CDC42BPA: variants seen among roughly 807,000 people sequenced by gnomAD.
The protein encoded by CDC42BPA is CDC42 binding protein kinase alpha, also known as serine/threonine-protein kinase MRCK alpha.
In CDC42BPA, 80 loss-of-function variants were observed where a neutral mutation model predicts 223.5. The observed-to-expected ratio is 0.36, with a 90% CI of 0.30 to 0.43. The LOEUF (loss-of-function observed/expected upper bound fraction) is 0.43, where lower values mean the gene tolerates loss of function less well. Among genes scored for constraint, CDC42BPA ranks in the 20% least tolerant of loss-of-function variants. The pLI is 1.00. For synonymous variants in CDC42BPA, 694 were observed against 718.6 expected (o/e 0.97, Z 0.55); for missense variants, 1,743 against 2,099.9 (o/e 0.83, Z 3.32).
chr1:227,179,170 G>C (rs1667472495), intron 5 of CDC42BPA, among the ~76,000 whole-genome samples: 1 of 152,156 alleles, frequency 6.6e-6, no homozygotes, highest in African/African-American at 2.4e-5. Context: ...CTTAAGGCTG[G>C]GGAAATAGGG....
intron 22 of CDC42BPA, among the ~76,000 whole-genome samples, chr1:227,051,164 T>C (rs757595254): frequency 6.6e-6 from 1 of 152,182 alleles, no homozygotes; most frequent in Admixed American, 6.5e-5. Context: ...TCTGCTTCTA[T>C]TGGAATGCTA....
chr1:227,094,610 C>T (rs942168278), intron 15 of CDC42BPA, among the ~76,000 whole-genome samples: 4 of 152,164 alleles, frequency 2.6e-5, no homozygotes, highest in African/African-American at 9.7e-5. Flanking sequence ...TATCCTGTGC[C>T]TCAGCTTCTT....
At chr1:227,282,325 G>A (rs1034286974) in intron 1 of CDC42BPA, among the ~76,000 whole-genome samples, 1 of 152,086 alleles carries the variant, frequency 6.6e-6, no homozygotes, top group African/African-American at 2.4e-5. Context: ...ATTCAGTCCT[G>A]TTAAAATGTG....
intron 26 of CDC42BPA, 138 bp from the exon 27 acceptor site, chr1:227,033,553 C>T (rs1385826573): frequency 1.6e-6 from 1 of 606,114 alleles, no homozygotes; most frequent in Non-Finnish European, 3.0e-6. Flanking sequence ...AATTAATTTT[C>T]CCCCATTGTA....
At chr1:227,070,268 C>T (rs905981420) in intron 20 of CDC42BPA, among the ~76,000 whole-genome samples, 2 of 151,702 alleles carry the variant, frequency 1.3e-5, no homozygotes, top group Admixed American at 6.6e-5. Context: ...TAAGAATAAT[C>T]CTTTATAAGA....
Position 227,047,986 on chromosome 1 carries a change from C to T in CDC42BPA, c.3034G>A (p.Val1012Ile), listed in dbSNP as rs1408870341. The T allele has an allele frequency of 1.2e-6, 2 of 1,610,892 alleles. No homozygotes were observed. The highest frequency in any genetic ancestry group is 3.3e-5 in the Admixed American group (2 of 59,852). ...TTTTTCCTTAAGGTTGGTGTGTGAA[C>T]TGAAAGTGGAGTGGAGTCTACAGTC... is the stretch of plus-strand genomic sequence containing the variant. ...VKTVDSTPLS[V>I]HTPTLRKKGC... Residue 1012 changes from valine (V) to isoleucine (I), a missense_variant, in exon 23 of 37, where the codon GTT (valine) becomes ATT (isoleucine). By Grantham distance (29) the Val-to-Ile change is conservative. Transcript: ENST00000366766.
rs1180166572 is a variant in CDC42BPA at position 227,262,745 on chromosome 1, T to C, written c.179-8590A>G. Among the ~76,000 whole-genome samples the C allele has an allele frequency of 2.0e-5, 3 of 152,256 alleles. No individual in the cohort carries two copies. In the East Asian group the frequency reaches 5.8e-4, roughly 29 times the overall value. ...ATAAACTCTACCTCCTGTGACACAC[T>C]AGAGGAACAATAAGGAATTAAGATA... On this transcript the variant is annotated intron_variant, in intron 1 of 36. Transcript: ENST00000366766.
At chr1:227,172,627 CGGAA>C (rs1666287772) in intron 5 of CDC42BPA, among the ~76,000 whole-genome samples, 1 of 151,812 alleles carries the variant, frequency 6.6e-6, no homozygotes, top group African/African-American at 2.4e-5. Flanking sequence ...CCCACTGAGA[CGGAA>C]GGAAGAAGTC....
chr1:227,016,160 T>G lies in CDC42BPA; in HGVS notation c.4777A>C (p.Ile1593Leu). 1 of 1,598,274 alleles carries G rather than the reference T, an allele frequency of 6.3e-7. No individual in the cohort carries two copies. Among genetic ancestry groups the G allele is most frequent in the East Asian group, 2.2e-5 (1 of 44,764 alleles). ...LRDPEMRNKL[I>L]SNPTNFNHIA... Reference sequence around the variant, plus strand: ...TGATTAAAATTAGTTGGATTAGAAATTAATTTATTTCTCATTTCTGGATCT... The same window carrying G: ...TGATTAAAATTAGTTGGATTAGAAAGTAATTTATTTCTCATTTCTGGATCT... Residue 1593 changes from isoleucine (I) to leucine (L), a missense_variant, in exon 34 of 37, where the codon ATT becomes CTT. By Grantham distance (5) the Ile-to-Leu change is conservative. Around this residue, in one of 6 missense-constraint regions of CDC42BPA, gnomAD observed 44 missense variants for 81.0 expected, o/e 0.54. Transcript: ENST00000366766.
intron 1 of CDC42BPA, among the ~76,000 whole-genome samples, chr1:227,290,922 T>C (rs11799960): frequency 6.6e-6 from 1 of 151,986 alleles, no homozygotes; most frequent in Non-Finnish European, 1.5e-5. Flanking sequence ...ACAAATAAAC[T>C]GTAGGCCACA....
intron 11 of CDC42BPA, among the ~76,000 whole-genome samples, chr1:227,126,538 G>GA (rs141275178): frequency 0.061 from 8,946 of 145,722 alleles, 519 homozygotes; most frequent in East Asian, 0.23. Flanking sequence ...GGAAAAAGAA[G>GA]AAAAAAAAGG....
intron 2 of CDC42BPA, among the ~76,000 whole-genome samples, chr1:227,218,694 C>T (rs1392106114): frequency 6.6e-6 from 1 of 152,130 alleles, no homozygotes; most frequent in Non-Finnish European, 1.5e-5. Flanking sequence ...AAGAGCTCTT[C>T]CCATTCATCA....
chr1:227,029,018 T>G lies in CDC42BPA; in HGVS notation c.4071A>C (p.Lys1357Asn). 6.2e-7 allele frequency: 1 copy of G among 1,614,134 alleles called. No homozygotes were observed. Among genetic ancestry groups the G allele is most frequent in the Non-Finnish European group, 8.5e-7 (1 of 1,180,034 alleles). ...GALTCLCVAM[K>N]RQVLCYELFQ... ...ATAGTTCATAACAGAGGACCTGCCT[T>G]TTCATAGCCACACACAGGCATGTGA... is the stretch of plus-strand genomic sequence containing the variant. The change falls in exon 30 of 37, where the codon AAA becomes AAC. Residue 1357 changes from lysine to asparagine, a missense_variant. Lys to Asn is a moderately conservative substitution (Grantham distance 94). This residue lies in a region of CDC42BPA where 678 missense variants were observed against 777.5 expected (regional missense o/e 0.87). Transcript: ENST00000366766.
intron 1 of CDC42BPA, among the ~76,000 whole-genome samples, chr1:227,303,164 G>GT (rs1691960357): frequency 2.0e-5 from 3 of 152,152 alleles, no homozygotes; most frequent in Non-Finnish European, 4.4e-5. Context: ...ACTAAAACAT[G>GT]ATGTGAAGCT....
At chr1:227,161,717 A>G (rs1339337482) in intron 5 of CDC42BPA, among the ~76,000 whole-genome samples, 2 of 152,216 alleles carry the variant, frequency 1.3e-5, no homozygotes, top group African/African-American at 4.8e-5. Flanking sequence ...TCATTTAGGT[A>G]TTGCCTATGT....
intron 6 of CDC42BPA, among the ~76,000 whole-genome samples, chr1:227,149,371 G>A (rs1195978877): frequency 6.6e-6 from 1 of 152,072 alleles, no homozygotes; most frequent in Non-Finnish European, 1.5e-5. Flanking sequence ...TACTCTGGAG[G>A]ACACATGCTC....
intron 1 of CDC42BPA, among the ~76,000 whole-genome samples, chr1:227,257,762 A>C (rs1014723394): frequency 6.6e-6 from 1 of 150,588 alleles, no homozygotes; most frequent in Non-Finnish European, 1.5e-5. Context: ...TCAAAAAAAA[A>C]AGGAAGAAAA....
chr1:227,140,588 A>C (rs1453655725), intron 9 of CDC42BPA, among the ~76,000 whole-genome samples: 1 of 152,152 alleles, frequency 6.6e-6, no homozygotes, highest in Non-Finnish European at 1.5e-5. Flanking sequence ...GTAAACAAGG[A>C]AAAATAAACT....
intron 5 of CDC42BPA, among the ~76,000 whole-genome samples, chr1:227,193,239 T>G (rs1339545171): frequency 2.6e-5 from 4 of 151,592 alleles, no homozygotes; most frequent in Non-Finnish European, 5.9e-5. Context: ...CCGGCTAATT[T>G]TTTTTTGTAT....
Sources: allele counts gnomAD v4.1 joint callset (sites outside exome capture counted in the v4.1 genomes callset), GRCh38; gene constraint gnomAD v4.1.1; regional missense constraint gnomAD v4.1.1; transcripts MANE v1.5; gene names NCBI Gene and HGNC (gene_info 2026-07-23, HGNC 2026-07-21).